The following ZFHX3 variants were observed in gnomAD, a reference collection of about 807,000 sequenced individuals.
ZFHX3 encodes the protein zinc finger homeobox protein 3.
In ZFHX3, 42 loss-of-function variants were observed where a neutral mutation model predicts 279.1. The ratio of observed to expected loss-of-function variants is 0.15; its 90% confidence interval spans 0.12 to 0.19. The LOEUF (loss-of-function observed/expected upper bound fraction) is 0.19. ZFHX3 is among the 10% of genes least tolerant of loss of function. The pLI is 1.00. For missense variants in ZFHX3, 4,981 were observed against 4,754.0 expected, an observed-to-expected ratio of 1.05 and a Z score of -1.40; for synonymous variants, 2,293 against 1,957.8, an observed-to-expected ratio of 1.17 and a Z score of -4.52.
chr16:73,306,687 T>C (rs1166574393), intron 4 of ZFHX3, among the ~76,000 whole-genome samples: 1 of 152,208 alleles, frequency 6.6e-6, no homozygotes, highest in East Asian at 1.9e-4. Flanking sequence ...ATGACAAGAA[T>C]CCATATTTGA....
chr16:73,249,881 G>A (rs1482618457), intron 5 of ZFHX3, among the ~76,000 whole-genome samples: 1 of 150,450 alleles, frequency 6.6e-6, no homozygotes, highest in Non-Finnish European at 1.5e-5. Context: ...TGCAATTAAG[G>A]AAATGCAAAT....
intron 2 of ZFHX3, among the ~76,000 whole-genome samples, chr16:73,462,219 T>C (rs1340971355): frequency 6.6e-6 from 1 of 152,208 alleles, no homozygotes; most frequent in African/African-American, 2.4e-5. Flanking sequence ...CCTGTGACTT[T>C]GTTGAAGTAA....
chr16:72,904,052 C>A (rs1376166293), intron 3 of ZFHX3, among the ~76,000 whole-genome samples: 1 of 152,190 alleles, frequency 6.6e-6, no homozygotes, highest in African/African-American at 2.4e-5. Flanking sequence ...ATCCTCAGTT[C>A]TCAGCACAGC....
intron 7 of ZFHX3, among the ~76,000 whole-genome samples, chr16:73,108,197 G>A (rs934648905): frequency 2.6e-5 from 4 of 151,936 alleles, no homozygotes; most frequent in African/African-American, 9.7e-5. Context: ...AGCTGGGTAT[G>A]GTGGTGTGCC....
At chr16:73,852,426 T>C (rs1961614636) in intron 1 of ZFHX3, among the ~76,000 whole-genome samples, 1 of 152,252 alleles carries the variant, frequency 6.6e-6, no homozygotes, top group Non-Finnish European at 1.5e-5. Context: ...CATTTTGTTT[T>C]ATATTACAGT....
intron 3 of ZFHX3, among the ~76,000 whole-genome samples, chr16:73,405,797 A>G (rs753206460): frequency 8.5e-5 from 13 of 152,254 alleles, no homozygotes; most frequent in Admixed American, 2.6e-4. Flanking sequence ...ATGTATGCTT[A>G]AAGTTTATTT....
intron 2 of ZFHX3, among the ~76,000 whole-genome samples, chr16:73,459,826 A>G (rs1347571517): frequency 6.6e-6 from 1 of 151,868 alleles, no homozygotes; most frequent in African/African-American, 2.4e-5. Flanking sequence ...TTACAAAACC[A>G]TCAGAGCTCC....
At chr16:73,325,303 C>A (rs935178268) in intron 3 of ZFHX3, among the ~76,000 whole-genome samples, 3 of 152,146 alleles carry the variant, frequency 2.0e-5, no homozygotes, top group African/African-American at 7.2e-5. Flanking sequence ...TGGTTAGGTT[C>A]TGGGTGCTTA....
At chr16:73,650,640 T>A (rs572924542) in intron 2 of ZFHX3, among the ~76,000 whole-genome samples, 84 of 152,304 alleles carry the variant, frequency 5.5e-4, no homozygotes, top group South Asian at 1.9e-3. Flanking sequence ...ATTTTGCCCT[T>A]CGACATTTTT....
At chr16:73,373,612 G>A (rs527820118) in intron 3 of ZFHX3, among the ~76,000 whole-genome samples, 4 of 152,330 alleles carry the variant, frequency 2.6e-5, no homozygotes, top group African/African-American at 9.6e-5. Context: ...AAAGCAGAAA[G>A]TATAGGTTCT....
intron 1 of ZFHX3, among the ~76,000 whole-genome samples, chr16:73,756,223 T>A (rs1043117222): frequency 2.0e-5 from 3 of 152,206 alleles, no homozygotes; most frequent in African/African-American, 7.2e-5. Flanking sequence ...TCTCTCTTTC[T>A]CTTTCCCTCA....
chr16:73,010,214 C>T (rs1963866616), intron 1 of ZFHX3, among the ~76,000 whole-genome samples: 1 of 152,064 alleles, frequency 6.6e-6, no homozygotes, highest in African/African-American at 2.4e-5. Flanking sequence ...ACCCAGCAGC[C>T]ACCCTAGGAG....
chr16:73,429,459 A>G (rs1472310794), intron 3 of ZFHX3, among the ~76,000 whole-genome samples: 2 of 152,036 alleles, frequency 1.3e-5, no homozygotes, highest in Admixed American at 1.3e-4. Context: ...TAGCCTCCTG[A>G]GTAGCTGGGA....
intron 7 of ZFHX3, chr16:73,127,423 T>C (rs2144814587): frequency 7.7e-7 from 1 of 1,305,416 alleles, no homozygotes; most frequent in Non-Finnish European, 1.0e-6. Context: ...AGGTAGTAGC[T>C]GGAGCATCTC....
intron 1 of ZFHX3, among the ~76,000 whole-genome samples, chr16:73,011,861 T>C (rs551275702): frequency 9.9e-5 from 15 of 152,176 alleles, no homozygotes; most frequent in African/African-American, 3.6e-4. Context: ...GATACCTTTT[T>C]TTATCTTGGT....
chr16:73,254,498 T>C (rs1482613549), intron 5 of ZFHX3, among the ~76,000 whole-genome samples: 7 of 151,924 alleles, frequency 4.6e-5, no homozygotes, highest in African/African-American at 1.7e-4. Flanking sequence ...GTGAGGCTGA[T>C]GGGAAAGAAT....
intron 1 of ZFHX3, among the ~76,000 whole-genome samples, chr16:72,976,469 T>G (rs1267276732): frequency 6.6e-6 from 1 of 152,226 alleles, no homozygotes; most frequent in Non-Finnish European, 1.5e-5. Context: ...ATGATTTTTA[T>G]TCATTCGTGC....
At chr16:73,553,246 G>T (rs825693) in intron 2 of ZFHX3, among the ~76,000 whole-genome samples, 10 of 151,508 alleles carry the variant, frequency 6.6e-5, no homozygotes, top group South Asian at 2.1e-4. Context: ...TATATTTTTT[G>T]TTTAGTTTTG....
intron 3 of ZFHX3, among the ~76,000 whole-genome samples, chr16:73,369,919 A>G (rs1046909838): frequency 3.9e-5 from 6 of 152,136 alleles, no homozygotes; most frequent in Non-Finnish European, 7.3e-5. Flanking sequence ...AACTCACCCT[A>G]TGAAATTGTT....
Sources: allele counts gnomAD v4.1 joint callset (sites outside exome capture counted in the v4.1 genomes callset), GRCh38; gene constraint gnomAD v4.1.1; transcripts MANE v1.5; gene names NCBI Gene and HGNC (gene_info 2026-07-23, HGNC 2026-07-21).